MERTK: variants seen among roughly 807,000 people sequenced by gnomAD.
The protein encoded by MERTK is tyrosine-protein kinase Mer.
MERTK carries 69 observed loss-of-function variants against 99.3 expected under a neutral mutation model. That is an observed-to-expected ratio of 0.70 (90% CI 0.57 to 0.85). MERTK has a LOEUF of 0.85. Ranked by LOEUF, MERTK falls within the 40% of genes least tolerant of loss-of-function variation. MERTK has a pLI of 0.00. For synonymous variants in MERTK, 426 were observed against 467.6 expected, an observed-to-expected ratio of 0.91 and a Z score of 1.15; for missense variants, 1,125 against 1,249.4, an observed-to-expected ratio of 0.90 and a Z score of 1.50.
chr2:111,974,264 G>A (rs1014529945), intron 6 of MERTK, among the ~76,000 whole-genome samples: 11 of 149,628 alleles, frequency 7.4e-5, no homozygotes, highest in East Asian at 3.9e-4. Flanking sequence ...TTAGCCAGGC[G>A]TGGTGGCAGG....
At chr2:112,003,261 A>G in intron 12 of MERTK, 74 bp downstream of exon 12, 2 of 742,650 alleles carry the variant, frequency 2.7e-6, no homozygotes, top group South Asian at 2.9e-5. Flanking sequence ...TTTAACATAT[A>G]TTTATTAAAT....
At chr2:112,020,009 A>G (rs1026716041) in intron 16 of MERTK, among the ~76,000 whole-genome samples, 1 of 152,204 alleles carries the variant, frequency 6.6e-6, no homozygotes, top group Non-Finnish European at 1.5e-5. Context: ...GGTTCTCCCT[A>G]TTTCTTCAAC....
intron 1 of MERTK, among the ~76,000 whole-genome samples, chr2:111,921,817 T>C (rs559686993): frequency 6.6e-6 from 1 of 152,244 alleles, no homozygotes; most frequent in South Asian, 2.1e-4. Flanking sequence ...GATCTTGAAC[T>C]CCTGGGCTCA....
At chr2:111,980,073 A>G (rs1386294181) in intron 7 of MERTK, among the ~76,000 whole-genome samples, 3 of 152,130 alleles carry the variant, frequency 2.0e-5, no homozygotes, top group Admixed American at 6.5e-5. Flanking sequence ...TCTAGATACG[A>G]TACCCCCCAA....
chr2:111,937,289 T>TAA (rs369142608), intron 2 of MERTK, among the ~76,000 whole-genome samples: 19 of 144,916 alleles, frequency 1.3e-4, no homozygotes, highest in Non-Finnish European at 1.8e-4. Flanking sequence ...TACAAAAAAT[T>TAA]AAAAAAAAAA....
chr2:112,003,907 AG>A lies in MERTK; in HGVS notation c.1791del (p.Glu597AspfsTer5). 2.5e-6 allele frequency: 4 copies of A among 1,612,586 alleles called. No homozygotes were observed. The highest frequency in any genetic ancestry group is 3.4e-6 in the Non-Finnish European group (4 of 1,178,738). On this transcript the variant is annotated frameshift_variant, in exon 13 of 19. Transcript: ENST00000295408. LOFTEE classifies it high-confidence loss of function. ...CAGGTGTTCTTTCACTTCACAGGAG[AG>A]TTTGGGTCTGTAATGGAAGGAAATC... ...LILGKILGEG[E>X]FGSVMEGNLK...
intron 3 of MERTK, among the ~76,000 whole-genome samples, chr2:111,945,829 C>T (rs1359612764): frequency 1.3e-5 from 2 of 152,212 alleles, no homozygotes; most frequent in Non-Finnish European, 2.9e-5. Context: ...GAGGTCACTC[C>T]TCACTACCCC....
chr2:111,904,832 G>A (rs1283604668), intron 1 of MERTK, among the ~76,000 whole-genome samples: 4 of 152,288 alleles, frequency 2.6e-5, no homozygotes, highest in Non-Finnish European at 4.4e-5. Context: ...TGCAAAGGGC[G>A]CCAGGTGCAC....
chr2:112,027,294 A>ATATGTGTGTGTGTGTG lies in MERTK; in HGVS notation c.2487-1053_2487-1038dup, dbSNP rs1339170421. Among the ~76,000 whole-genome samples, 3 of 148,974 alleles carry ATATGTGTGTGTGTGTG rather than the reference A, an allele frequency of 2.0e-5. No individual in the cohort carries two copies. In the East Asian group the frequency reaches 5.8e-4, roughly 29 times the overall value. On this transcript the variant is annotated intron_variant, in intron 18 of 18. Transcript: ENST00000295408. ...ATATATATGCCATATATGTGTGTGT[A>ATATGTGTGTGTGTGTG]TATGTGTGTGTGTGTGTATATATAT... is the stretch of plus-strand genomic sequence containing the variant.
chr2:111,916,860 C>T (rs1299700936), intron 1 of MERTK, among the ~76,000 whole-genome samples: 8 of 152,124 alleles, frequency 5.3e-5, no homozygotes, highest in African/African-American at 9.7e-5. Flanking sequence ...CATGCTGCCT[C>T]GTTGCTGCCA....
At chr2:111,931,155 TA>T (rs1684662225) in intron 2 of MERTK, among the ~76,000 whole-genome samples, 1 of 152,118 alleles carries the variant, frequency 6.6e-6, no homozygotes, top group South Asian at 2.1e-4. Context: ...ACCACAGACC[TA>T]ACTACTCAGG....
chr2:111,907,634 T>C (rs1363276948), intron 1 of MERTK, among the ~76,000 whole-genome samples: 2 of 151,476 alleles, frequency 1.3e-5, no homozygotes, highest in Non-Finnish European at 2.9e-5. Flanking sequence ...CTAAGCTTTT[T>C]CCGGGGTGGA....
intron 8 of MERTK, 118 bp downstream of exon 8, chr2:111,983,111 G>C (rs1676405921): frequency 8.4e-7 from 1 of 1,184,560 alleles, no homozygotes; most frequent in African/African-American, 1.5e-5. Flanking sequence ...AGTTAGGCAA[G>C]GCACCTTTCA....
At position 111,988,327 on chromosome 2, in the gene MERTK, C is replaced by T. The variant is rs1427753592; in HGVS notation, c.1296+5334C>T. 8.5e-5 allele frequency among the ~76,000 whole-genome samples: 13 copies of T among 152,182 alleles called. 1 individual carries two copies. The highest frequency in any genetic ancestry group is 8.5e-4 in the Admixed American group (13 of 15,270). ...CTCATGGCCAGCCAGGGATCTGAAC[C>T]TCTTCTGAAACCCAGGGATTGATCA... On this transcript the variant is annotated intron_variant, in intron 8 of 18. Coordinates refer to ENST00000295408, the MANE Select transcript of MERTK (RefSeq NM_006343.3).
At chr2:111,985,270 G>A (rs1029989570) in intron 8 of MERTK, among the ~76,000 whole-genome samples, 1 of 152,180 alleles carries the variant, frequency 6.6e-6, no homozygotes, top group African/African-American at 2.4e-5. Context: ...CAATACAGCA[G>A]CAGGAAAGGC....
In MERTK at chr2:112,024,166, T is replaced by G. The variant is rs1025151072; in HGVS notation, c.2486+1772T>G. ...TGGTAGTTTTTAAAAGTGCCATGTT[T>G]ATGAAGTGCCTGCTTCTGAAAATAA... On this transcript the variant is annotated intron_variant, in intron 18 of 18. Transcript: ENST00000295408. 6.6e-5 allele frequency among the ~76,000 whole-genome samples: 10 copies of G among 152,204 alleles called. 1 individual carries two copies. The highest frequency in any genetic ancestry group is 1.3e-4 in the Non-Finnish European group (9 of 68,040).
chr2:112,028,428 A>G lies in MERTK; in HGVS notation c.2564A>G (p.Glu855Gly), dbSNP rs1677514010. 2.5e-6 allele frequency: 4 copies of G among 1,614,222 alleles called. No individual in the cohort carries two copies. The highest frequency in any genetic ancestry group is 1.7e-6 in the Non-Finnish European group (2 of 1,180,046). The change falls in exon 19 of 19, where the codon GAA becomes GGA. Residue 855 changes from glutamate to glycine, a missense_variant. Glu to Gly is a moderately conservative substitution (Grantham distance 98, BLOSUM62 -2). Coordinates refer to ENST00000295408, the MANE Select transcript of MERTK (RefSeq NM_006343.3). ...TTTTCAGTATTGAGGCTGCAGCTAG[A>G]AAAACTCTTAGAAAGTTTGCCTGAC... is the stretch of plus-strand genomic sequence containing the variant. Reference protein sequence around the residue: ...PTFSVLRLQLEKLLESLPDVR... With the variant: ...PTFSVLRLQLGKLLESLPDVR...
chr2:111,970,245 C>T (rs561824241), intron 6 of MERTK, among the ~76,000 whole-genome samples: 2 of 150,200 alleles, frequency 1.3e-5, no homozygotes, highest in Non-Finnish European at 3.0e-5. Context: ...CAACCTCTGC[C>T]TCCTGGGTGC....
Position 111,981,228 on chromosome 2 carries a change from A to T in MERTK, c.1145-1614A>T, listed in dbSNP as rs887406529. ...TCAACTACAGGCAACAGTTTGGTGT[A>T]TATTATTCTAATTGTTATTATTCTT... is the stretch of plus-strand genomic sequence containing the variant. On this transcript the variant is annotated intron_variant, in intron 7 of 18. Transcript: ENST00000295408. 1.6e-4 allele frequency among the ~76,000 whole-genome samples: 25 copies of T among 152,162 alleles called. 1 individual carries two copies. The highest frequency in any genetic ancestry group is 1.5e-5 in the Non-Finnish European group (1 of 68,046).
Sources: allele counts gnomAD v4.1 joint callset (sites outside exome capture counted in the v4.1 genomes callset), GRCh38; gene constraint gnomAD v4.1.1; transcripts MANE v1.5; gene names NCBI Gene and HGNC (gene_info 2026-07-23, HGNC 2026-07-21).